OR52L1: variants seen among roughly 807,000 people sequenced by gnomAD.
The protein encoded by OR52L1 is olfactory receptor 52L1.
OR52L1 carries 15 observed loss-of-function variants against 16.1 expected under a neutral mutation model. The ratio of observed to expected loss-of-function variants is 0.93; its 90% CI spans 0.62 to 1.44. The LOEUF (loss-of-function observed/expected upper bound fraction) is 1.44, where lower values mean the gene tolerates loss of function less well. OR52L1 is among the 40% of genes most tolerant of loss of function. OR52L1 has a pLI of 0.00. For synonymous variants in OR52L1, 166 were observed against 159.2 expected (o/e 1.04, Z -0.32); for missense variants, 406 against 402.3 (o/e 1.01, Z -0.08).
rs761603627 is a variant in OR52L1 at position 5,986,955 on chromosome 11, T to C, written c.-25A>G. On this transcript the variant is annotated 5_prime_UTR_variant, in exon 1 of 1. The change abolishes the stop of an existing upstream ORF in the 5' untranslated region. Coordinates refer to ENST00000332249, the MANE Select transcript of OR52L1 (RefSeq NM_001005173.3). ...TGATTTCTGCATTCCTGCTACATTATCACATTGTCCAAATGGGGCAACCAT... is the reference window on the plus strand; with the variant it reads ...TGATTTCTGCATTCCTGCTACATTACCACATTGTCCAAATGGGGCAACCAT... 13 of 1,604,182 alleles carry C rather than the reference T, an allele frequency of 8.1e-6. No individual in the cohort carries two copies. In the East Asian group the frequency reaches 2.9e-4, roughly 36 times the overall value.
At position 5,986,554 on chromosome 11, in the gene OR52L1, G is replaced by T; in HGVS notation, c.377C>A (p.Ser126Tyr). 1 of 1,613,934 alleles carries T rather than the reference G, an allele frequency of 6.2e-7. No individual in the cohort carries two copies. The highest frequency in any genetic ancestry group is 8.5e-7 in the Non-Finnish European group (1 of 1,179,860). ...LIQMFFIHAF[S>Y]SMESGVLVAM... The stretch of plus-strand genomic sequence containing the variant: ...CACAAGTACCCCTGACTCCATGGAG[G>T]AGAATGCATGGATGAAGAACATCTG... Residue 126 changes from serine to tyrosine, a missense_variant, in exon 1 of 1, where the codon TCC becomes TAC. Transcript: ENST00000332249.
At position 5,986,238 on chromosome 11, in the gene OR52L1, G is replaced by A. The variant is rs557766695; in HGVS notation, c.693C>T (p.Ala231=). Residue 231 remains alanine (A), a synonymous_variant, in exon 1 of 1, where the codon GCC becomes GCT. Transcript: ENST00000332249. ...ALLVIGLDVL[A]IGVSYAHILQ... The stretch of plus-strand genomic sequence containing the variant: ...GGATGTGGGCATAGGAAACACCAAT[G>A]GCCAGAACATCCAGCCCAATCACAA... The A allele has an allele frequency of 1.9e-6, 3 of 1,613,622 alleles. No homozygotes were observed. Among genetic ancestry groups the A allele is most frequent in the Non-Finnish European group, 2.5e-6 (3 of 1,179,894 alleles).
chr11:5,986,239 G>A lies in OR52L1; in HGVS notation c.692C>T (p.Ala231Val), dbSNP rs141030184. ...ALLVIGLDVL[A>V]IGVSYAHILQ... ...GATGTGGGCATAGGAAACACCAATGGCCAGAACATCCAGCCCAATCACAAG... is the reference window on the plus strand; with the variant it reads ...GATGTGGGCATAGGAAACACCAATGACCAGAACATCCAGCCCAATCACAAG... The change falls in exon 1 of 1, where the codon GCC becomes GTC. Residue 231 changes from alanine (A) to valine (V), a missense_variant. Physicochemically the swap from Ala to Val is moderately conservative, Grantham distance 64. Transcript: ENST00000332249. The A allele has an allele frequency of 1.6e-4, 266 of 1,613,744 alleles. 3 individuals are homozygous for A. In the East Asian group the frequency reaches 5.8e-3, roughly 35 times the overall value.
chr11:5,986,559 T>C lies in OR52L1; in HGVS notation c.372A>G (p.Ala124=). The part of the protein sequence containing the change: ...VCLIQMFFIH[A]FSSMESGVLV... Reference sequence around the variant, plus strand: ...GTACCCCTGACTCCATGGAGGAGAATGCATGGATGAAGAACATCTGGATCA... The same window carrying C: ...GTACCCCTGACTCCATGGAGGAGAACGCATGGATGAAGAACATCTGGATCA... Residue 124 remains alanine, a synonymous_variant, in exon 1 of 1, where the codon GCA becomes GCG. Transcript: ENST00000332249. 6.2e-7 allele frequency: 1 copy of C among 1,613,832 alleles called. No homozygotes were observed. The highest frequency in any genetic ancestry group is 8.5e-7 in the Non-Finnish European group (1 of 1,179,890).
Position 5,986,422 on chromosome 11 carries a change from C to A in OR52L1, c.509G>T (p.Gly170Val), listed in dbSNP as rs756700680. ...GGGGAAGGGGATAAGGAGTAGTAATCCCCTCACCAGCACCACCATTCCGAT... is the reference window on the plus strand; with the variant it reads ...GGGGAAGGGGATAAGGAGTAGTAATACCCTCACCAGCACCACCATTCCGAT... ...GRIGMVVLVR[G>V]LLLLIPFPIL... Residue 170 changes from glycine (G) to valine (V), a missense_variant, in exon 1 of 1, where the codon GGA (glycine) becomes GTA (valine). Gly to Val is a moderately radical substitution (Grantham distance 109). Transcript: ENST00000332249. 2.5e-6 allele frequency: 4 copies of A among 1,613,828 alleles called. No individual in the cohort carries two copies. The East Asian group carries it at 6.7e-5, about 27-fold the overall frequency.
chr11:5,986,666 G>A lies in OR52L1; in HGVS notation c.265C>T (p.Leu89=). The A allele has an allele frequency of 6.2e-7, 1 of 1,613,978 alleles. No homozygotes were observed. Among genetic ancestry groups the A allele is most frequent in the Non-Finnish European group, 8.5e-7 (1 of 1,179,870 alleles). The stretch of plus-strand genomic sequence containing the variant: ...GGTGCAGTGGAGGAGGCCAGAACCA[G>A]GTCGATGGCAGCTAGCATGGACAGG... ...LFLSMLAAID[L]VLASSTAPKA... The change falls in exon 1 of 1, where the codon CTG becomes TTG. Residue 89 remains leucine (L), a synonymous_variant. Transcript: ENST00000332249.
At position 5,985,895 on chromosome 11, in the gene OR52L1, G is replaced by C. The variant is rs776718482; in HGVS notation, c.*46C>G. The C allele has an allele frequency of 6.6e-7, 1 of 1,519,530 alleles. No homozygotes were observed. Among genetic ancestry groups the C allele is most frequent in the Non-Finnish European group, 8.8e-7 (1 of 1,130,954 alleles). The allele number at this position is 1,519,530 out of a possible 1,614,324, so 94.1% of individuals were successfully genotyped here. A position where few individuals can be genotyped will look rare whatever the true frequency, so the allele number is the denominator to read the frequency against. Reference sequence around the variant, plus strand: ...CACCAGTCACAGGCTCCTGGCTGTGGTCCGCAGAAGAAGCCTCCGAAGGAA... The same window carrying C: ...CACCAGTCACAGGCTCCTGGCTGTGCTCCGCAGAAGAAGCCTCCGAAGGAA... On this transcript the variant is annotated 3_prime_UTR_variant, in exon 1 of 1. Transcript: ENST00000332249.
In OR52L1 at chr11:5,985,895, G is replaced by A. The variant is rs776718482; in HGVS notation, c.*46C>T. 13 of 1,519,530 alleles carry A rather than the reference G, an allele frequency of 8.6e-6. No individual in the cohort carries two copies. In the South Asian group the frequency reaches 1.4e-4, roughly 17 times the overall value. 94.1% of individuals were successfully genotyped at this position (1,519,530 alleles called of 1,614,324 possible). A position where few individuals can be genotyped will look rare whatever the true frequency, so the allele number is the denominator to read the frequency against. On this transcript the variant is annotated 3_prime_UTR_variant, in exon 1 of 1. Transcript: ENST00000332249. Reference sequence around the variant, plus strand: ...CACCAGTCACAGGCTCCTGGCTGTGGTCCGCAGAAGAAGCCTCCGAAGGAA... The same window carrying A: ...CACCAGTCACAGGCTCCTGGCTGTGATCCGCAGAAGAAGCCTCCGAAGGAA...
At position 5,986,167 on chromosome 11, in the gene OR52L1, G is replaced by T. The variant is rs116235360; in HGVS notation, c.764C>A (p.Ala255Glu). 1 of 1,613,760 alleles carries T rather than the reference G, an allele frequency of 6.2e-7. No homozygotes were observed. The highest frequency in any genetic ancestry group is 1.7e-5 in the Admixed American group (1 of 60,000). ...KVPGSEARLK[A>E]FSTCGSHICV... is the part of the protein sequence containing the mutation. ...AATATGAGAGCCACATGTGCTAAACGCCTTAAGTCGGGCCTCACTCCCTGG... is the reference window on the plus strand; with the variant it reads ...AATATGAGAGCCACATGTGCTAAACTCCTTAAGTCGGGCCTCACTCCCTGG... The change falls in exon 1 of 1, where the codon GCG (alanine) becomes GAG (glutamate). Residue 255 changes from alanine to glutamate, a missense_variant. Physicochemically the swap from Ala to Glu is moderately radical, Grantham distance 107 (BLOSUM62 -1). Transcript: ENST00000332249.
In OR52L1 at chr11:5,986,805, C is replaced by A; in HGVS notation, c.126G>T (p.Gln42His). Residue 42 changes from glutamine to histidine, a missense_variant, in exon 1 of 1, where the codon CAG (glutamine) becomes CAT (histidine). Coordinates refer to ENST00000332249, the MANE Select transcript of OR52L1 (RefSeq NM_001005173.3). ...TGCCCAGGGGCAGTGCAATCCAGTG[C>A]TGGCTTTCCTCTAAACCTGGAATCC... is the stretch of plus-strand genomic sequence containing the variant. ...LVGIPGLEES[Q>H]HWIALPLGIL... The A allele has an allele frequency of 6.2e-7, 1 of 1,614,020 alleles. No individual in the cohort carries two copies. The highest frequency in any genetic ancestry group is 8.5e-7 in the Non-Finnish European group (1 of 1,179,882).
chr11:5,986,325 A>C lies in OR52L1; in HGVS notation c.606T>G (p.Val202=), dbSNP rs371383456. The change falls in exon 1 of 1, where the codon GTT becomes GTG. Residue 202 remains valine (V), a synonymous_variant. Transcript: ENST00000332249. ...TGGTTTCTGAGCAGGCAAGTTTCAC[A>C]ACAGCCATATGTTCACAATAGGCAT... is the stretch of plus-strand genomic sequence containing the variant. ...IGHAYCEHMA[V]VKLACSETTV... is the part of the protein sequence containing the mutation. The C allele has an allele frequency of 1.1e-5, 18 of 1,613,916 alleles. No homozygotes were observed. Among genetic ancestry groups the C allele is most frequent in the African/African-American group, 4.0e-5 (3 of 74,936 alleles).
chr11:5,986,314 G>A lies in OR52L1; in HGVS notation c.617C>T (p.Ala206Val). 6.2e-7 allele frequency: 1 copy of A among 1,613,988 alleles called. No homozygotes were observed. The highest frequency in any genetic ancestry group is 2.2e-5 in the East Asian group (1 of 44,878). ...TCGATTGACTGTGGTTTCTGAGCAG[G>A]CAAGTTTCACAACAGCCATATGTTC... ...YCEHMAVVKL[A>V]CSETTVNRAY... The change falls in exon 1 of 1, where the codon GCC (alanine) becomes GTC (valine). Residue 206 changes from alanine to valine, a missense_variant. Transcript: ENST00000332249.
Position 5,986,916 on chromosome 11 carries a change from A to C in OR52L1, c.15T>G (p.Ser5=). 2 of 1,612,640 alleles carry C rather than the reference A, an allele frequency of 1.2e-6. No homozygotes were observed. Among genetic ancestry groups the C allele is most frequent in the Non-Finnish European group, 8.5e-7 (1 of 1,179,368 alleles). MTLV[S]FFSFLSKPLI... ...ATGGCTTGGAGAGGAAAGAGAAAAA[A>C]GAAACCAAAGTCATGATTTCTGCAT... is the stretch of plus-strand genomic sequence containing the variant. The change falls in exon 1 of 1, where the codon TCT becomes TCG. Residue 5 remains serine, a synonymous_variant. Coordinates refer to ENST00000332249, the MANE Select transcript of OR52L1 (RefSeq NM_001005173.3).
chr11:5,986,592 G>T lies in OR52L1; in HGVS notation c.339C>A (p.Ile113=). The T allele has an allele frequency of 6.2e-7, 1 of 1,613,956 alleles. No individual in the cohort carries two copies. The highest frequency in any genetic ancestry group is 1.7e-5 in the Admixed American group (1 of 60,008). Residue 113 remains isoleucine, a synonymous_variant, in exon 1 of 1, where the codon ATC becomes ATA. Coordinates refer to ENST00000332249, the MANE Select transcript of OR52L1 (RefSeq NM_001005173.3). Reference sequence around the variant, plus strand: ...TGAAGAACATCTGGATCAGGCAGACGATGTACCCAATCTCGTGGGCATGAA... The same window carrying T: ...TGAAGAACATCTGGATCAGGCAGACTATGTACCCAATCTCGTGGGCATGAA... ...LLVHAHEIGY[I]VCLIQMFFIH...
chr11:5,986,685 G>A lies in OR52L1; in HGVS notation c.246C>T (p.Ser82=). ...GAACCAGGTCGATGGCAGCTAGCAT[G>A]GACAGGAAGAGGTACATAGATTGGT... ...SLHQSMYLFL[S]MLAAIDLVLA... Residue 82 remains serine (S), a synonymous_variant, in exon 1 of 1, where the codon TCC becomes TCT. Transcript: ENST00000332249. 2 of 1,613,952 alleles carry A rather than the reference G, an allele frequency of 1.2e-6. No individual in the cohort carries two copies. Among genetic ancestry groups the A allele is most frequent in the South Asian group, 1.1e-5 (1 of 91,070 alleles).
In OR52L1 at chr11:5,986,591, C is replaced by T. The variant is rs749287836; in HGVS notation, c.340G>A (p.Val114Ile). 3.3e-5 allele frequency: 54 copies of T among 1,613,724 alleles called. No individual in the cohort carries two copies. Among genetic ancestry groups the T allele is most frequent in the East Asian group, 3.1e-4 (14 of 44,858 alleles). ...LVHAHEIGYI[V>I]CLIQMFFIHA... ...ATGAAGAACATCTGGATCAGGCAGACGATGTACCCAATCTCGTGGGCATGA... is the reference window on the plus strand; with the variant it reads ...ATGAAGAACATCTGGATCAGGCAGATGATGTACCCAATCTCGTGGGCATGA... The change falls in exon 1 of 1, where the codon GTC becomes ATC. Residue 114 changes from valine to isoleucine, a missense_variant. Transcript: ENST00000332249.
At position 5,986,265 on chromosome 11, in the gene OR52L1, C is replaced by G; in HGVS notation, c.666G>C (p.Leu222Phe). ...VNRAYGLTMA[L>F]LVIGLDVLAI... ...CCAGAACATCCAGCCCAATCACAAG[C>G]AAGGCCATAGTCAGCCCATAAGCTC... is the stretch of plus-strand genomic sequence containing the variant. Residue 222 changes from leucine (L) to phenylalanine (F), a missense_variant, in exon 1 of 1, where the codon TTG (leucine) becomes TTC (phenylalanine). Leu to Phe is a conservative substitution (Grantham distance 22). Coordinates refer to ENST00000332249, the MANE Select transcript of OR52L1 (RefSeq NM_001005173.3). The G allele has an allele frequency of 6.2e-7, 1 of 1,613,960 alleles. No individual in the cohort carries two copies. Among genetic ancestry groups the G allele is most frequent in the Non-Finnish European group, 8.5e-7 (1 of 1,179,886 alleles).
In OR52L1 at chr11:5,986,450, G is replaced by T. The variant is rs4436524; in HGVS notation, c.481C>A (p.Arg161Ser). Residue 161 changes from arginine to serine, a missense_variant, in exon 1 of 1, where the codon CGC becomes AGC. By Grantham distance (110) the Arg-to-Ser change is moderately radical (BLOSUM62 -1). Coordinates refer to ENST00000332249, the MANE Select transcript of OR52L1 (RefSeq NM_001005173.3). ...CTCACCAGCACCACCATTCCGATGC[G>T]CCCTATGACCCCTGGATGCAGGATT... is the stretch of plus-strand genomic sequence containing the variant. ...STILHPGVIG[R>S]IGMVVLVRGL... The T allele has an allele frequency of 7.7e-4, 1,244 of 1,613,774 alleles. 11 individuals carry two copies. In the African/African-American group the frequency reaches 0.016, roughly 20 times the overall value.
rs772064651 is a variant in OR52L1 at position 5,986,688 on chromosome 11, C to A, written c.243G>T (p.Leu81=). Residue 81 remains leucine (L), a synonymous_variant, in exon 1 of 1, where the codon CTG becomes CTT. Coordinates refer to ENST00000332249, the MANE Select transcript of OR52L1 (RefSeq NM_001005173.3). The stretch of plus-strand genomic sequence containing the variant: ...CCAGGTCGATGGCAGCTAGCATGGA[C>A]AGGAAGAGGTACATAGATTGGTGCA... ...PSLHQSMYLF[L]SMLAAIDLVL... is the part of the protein sequence containing the mutation. The A allele has an allele frequency of 3.6e-5, 58 of 1,613,822 alleles. 1 individual carries two copies. The South Asian group carries it at 6.1e-4, about 17-fold the overall frequency.
Sources: gnomAD v4.1 joint callset for allele counts on GRCh38, gnomAD v4.1.1 for gene constraint, MANE v1.5 for transcripts, NCBI Gene and HGNC (gene_info 2026-07-23, HGNC 2026-07-21) for gene names.